ACOT11: variants seen among roughly 807,000 people sequenced by gnomAD.
ACOT11 encodes the protein acyl-coenzyme A thioesterase 11.
In ACOT11, 69 loss-of-function variants were observed where a neutral mutation model predicts 77.5. That is an observed-to-expected ratio of 0.89 (90% confidence interval 0.73 to 1.09). The LOEUF (loss-of-function observed/expected upper bound fraction) is 1.09, where lower values mean the gene tolerates loss of function less well. Among genes scored for constraint, ACOT11 ranks in the 50% least tolerant of loss-of-function variants. The pLI is 0.00. For missense variants in ACOT11, 766 were observed against 813.7 expected, an observed-to-expected ratio of 0.94 and a Z score of 0.71; for synonymous variants, 279 against 313.0, an observed-to-expected ratio of 0.89 and a Z score of 1.15.
intron 1 of ACOT11, among the ~76,000 whole-genome samples, chr1:54,559,054 G>A (rs144368080): frequency 1.3e-5 from 2 of 152,296 alleles, no homozygotes; most frequent in East Asian, 1.9e-4. Context: ...CTCAGCCCCC[G>A]TGAGAGACGA....
chr1:54,605,046 G>A lies in ACOT11; in HGVS notation c.1237-30G>A, dbSNP rs45628432. The A allele has an allele frequency of 5.0e-3, 7,960 of 1,594,710 alleles. 38 individuals are homozygous for A. Among genetic ancestry groups the A allele is most frequent in the South Asian group, 5.7e-3 (509 of 89,142 alleles). ...CCCCATCAGTCCACTCCACCACCCAGCAAATGAGGCTGCCCTCTATCCCAT... is the reference window on the plus strand; with the variant it reads ...CCCCATCAGTCCACTCCACCACCCAACAAATGAGGCTGCCCTCTATCCCAT... On this transcript the variant is annotated intron_variant, in intron 12 of 15. Transcript: ENST00000343744.
intron 8 of ACOT11, among the ~76,000 whole-genome samples, chr1:54,600,591 G>C (rs536979446): frequency 6.6e-6 from 1 of 152,302 alleles, no homozygotes; most frequent in South Asian, 2.1e-4. Flanking sequence ...GCTGAGGCAC[G>C]AGAATCCCTT....
intron 1 of ACOT11, among the ~76,000 whole-genome samples, chr1:54,580,310 G>A (rs300272): frequency 0.46 from 69,245 of 152,004 alleles, 17,835 homozygotes; most frequent in Non-Finnish European, 0.59. Context: ...CACCAGGCCT[G>A]TTGCTCCAGT....
At chr1:54,566,454 CAAA>C (rs34312735) in intron 1 of ACOT11, among the ~76,000 whole-genome samples, 12,487 of 94,568 alleles carry the variant, frequency 0.13, 1,029 homozygotes, top group African/African-American at 0.24. Context: ...AAGACTGTCT[CAAA>C]AAAAAAAAAA....
downstream of ACOT11, chr1:54,610,561 G>C (rs1244927298): frequency 1.2e-6 from 2 of 1,609,168 alleles, no homozygotes; most frequent in African/African-American, 2.7e-5. Context: ...ATTCACTGTG[G>C]GGCCCCAAAT....
exon 16 of ACOT11, chr1:54,630,810 C>T (rs766671979): frequency 1.2e-5 from 9 of 770,046 alleles, no homozygotes; most frequent in Admixed American, 1.8e-5. Flanking sequence ...GAATCCAGGT[C>T]AAAGGGTCGC....
rs1259898570 is a variant in ACOT11, at chr1:54,599,205, TATATATATATATATATATAA to T, written c.765-89_765-70del. ...AAATATATATATATATATATATATA[TATATATATATATATATATAA>T]AAATCTGGCCCAAACTAGTGGCTGA... is the stretch of plus-strand genomic sequence containing the variant. On this transcript the variant is annotated intron_variant, in intron 7 of 15. Coordinates refer to ENST00000343744, the MANE Select transcript of ACOT11 (RefSeq NM_147161.4). 6.7e-3 allele frequency: 520 copies of T among 77,226 alleles called. 30 individuals carry two copies. Among genetic ancestry groups the T allele is most frequent in the African/African-American group, 0.037 (474 of 12,758 alleles). The allele number at this position is 77,226 out of a possible 1,614,324, so 4.8% of individuals were successfully genotyped here. A position where few individuals can be genotyped will look rare whatever the true frequency, so the allele number is the denominator to read the frequency against.
chr1:54,554,308 T>G (rs1653174182), intron 1 of ACOT11, among the ~76,000 whole-genome samples: 1 of 76,104 alleles, frequency 1.3e-5, no homozygotes. Context: ...TGTGTGTGTG[T>G]GTGTGTGTGT....
chr1:54,608,482 C>G lies in ACOT11; in HGVS notation c.1629+414C>G, dbSNP rs114224357. Among the ~76,000 whole-genome samples the G allele has an allele frequency of 5.2e-3, 784 of 152,186 alleles. 6 individuals carry two copies. Among genetic ancestry groups the G allele is most frequent in the African/African-American group, 0.017 (725 of 41,510 alleles). The stretch of plus-strand genomic sequence containing the variant: ...GAGGGTGGGGTACTGCAGCCTCCCC[C>G]CTCACAGCTTCTATTAGGGCCCTGC... On this transcript the variant is annotated intron_variant, in intron 15 of 15. Coordinates refer to ENST00000343744, the MANE Select transcript of ACOT11 (RefSeq NM_147161.4).
In ACOT11 at chr1:54,629,646, G is replaced by C. The variant is rs1176733876; in HGVS notation, c.1630-1088G>C. Among the ~76,000 whole-genome samples the C allele has an allele frequency of 1.5e-5, 2 of 131,584 alleles. 1 individual carries two copies. The highest frequency in any genetic ancestry group is 3.4e-5 in the Non-Finnish European group (2 of 58,246). The allele number at this position is 131,584 out of a possible 152,430, so 86.3% of individuals were successfully genotyped here. ...GTCATCCAGGCTGGAGTGCAATGAT[G>C]TGTTCATGTCTCATTGCAGCCTTGA... On this transcript the variant is annotated intron_variant, in intron 15 of 16. Transcript: ENST00000371316.
At chr1:54,627,393 A>G (rs930880021) in intron 15 of ACOT11, among the ~76,000 whole-genome samples, 3 of 134,758 alleles carry the variant, frequency 2.2e-5, no homozygotes, top group South Asian at 2.5e-4. Flanking sequence ...GGTTTTTGGC[A>G]GGAGGAACAG....
At chr1:54,639,049 C>A (rs1569825060) in exon 17 of ACOT11, 1 of 151,598 alleles carries the variant, frequency 6.6e-6, no homozygotes, top group South Asian at 2.1e-4. Flanking sequence ...AAAAAATTAG[C>A]CAGACATGAT....
At chr1:54,595,841 C>T (rs971478950) in intron 6 of ACOT11, among the ~76,000 whole-genome samples, 11 of 152,162 alleles carry the variant, frequency 7.2e-5, no homozygotes, top group African/African-American at 2.2e-4. Flanking sequence ...TTGAGTCTTC[C>T]TTGAAACCAA....
At chr1:54,555,015 G>A (rs1278701359) in intron 1 of ACOT11, among the ~76,000 whole-genome samples, 2 of 152,190 alleles carry the variant, frequency 1.3e-5, no homozygotes, top group African/African-American at 4.8e-5. Flanking sequence ...CTGGAGTGTA[G>A]TGGCACGACC....
At chr1:54,611,041 T>G (rs1380124441), downstream of ACOT11, 4 of 979,920 alleles carry the variant, frequency 4.1e-6, no homozygotes, top group Non-Finnish European at 4.8e-6. Context: ...GCTGGTTTCC[T>G]ACCTGCTGGG....
chr1:54,580,996 G>A (rs916144164), intron 1 of ACOT11, among the ~76,000 whole-genome samples: 3 of 152,172 alleles, frequency 2.0e-5, no homozygotes, highest in South Asian at 4.1e-4. Flanking sequence ...CAGGAGCTAC[G>A]GTGGCTGGTT....
At chr1:54,638,614 T>A (rs1023716808) in exon 17 of ACOT11, 2 of 152,178 alleles carry the variant, frequency 1.3e-5, no homozygotes, top group East Asian at 1.9e-4. Flanking sequence ...CGCCTTGGCC[T>A]GCTAAAGTGC....
chr1:54,610,594 T>G (rs779047667), downstream of ACOT11: 1 of 1,598,134 alleles, frequency 6.3e-7, no homozygotes, highest in Non-Finnish European at 8.5e-7. Flanking sequence ...GTGGCTGCCA[T>G]TCACAGAACA....
At chr1:54,573,879 A>G (rs576321726) in intron 1 of ACOT11, among the ~76,000 whole-genome samples, 1 of 152,196 alleles carries the variant, frequency 6.6e-6, no homozygotes, top group Non-Finnish European at 1.5e-5. Context: ...AATACAAAAA[A>G]TTAGCCGGGC....
Sources: allele counts gnomAD v4.1 joint callset (sites outside exome capture counted in the v4.1 genomes callset), GRCh38; gene constraint gnomAD v4.1.1; transcripts MANE v1.5; gene names NCBI Gene and HGNC (gene_info 2026-07-23, HGNC 2026-07-21).